EXOC6B: variants seen among roughly 807,000 people sequenced by gnomAD.
EXOC6B encodes the protein SEC15 homolog B.
A neutral mutation model predicts 113.5 loss-of-function variants in EXOC6B; 54 were observed. The ratio of observed to expected loss-of-function variants is 0.48; its 90% confidence interval spans 0.38 to 0.60. EXOC6B has a LOEUF of 0.60. Ranked by LOEUF, EXOC6B falls within the 20% of genes least tolerant of loss-of-function variation. The probability of loss-of-function intolerance (pLI) is 0.00; values close to 1 mark genes in which losing one functional copy is unlikely to be tolerated. For missense variants in EXOC6B, 797 were observed against 977.5 expected, an observed-to-expected ratio of 0.82 and a Z score of 2.46; for synonymous variants, 357 against 339.0, an observed-to-expected ratio of 1.05 and a Z score of -0.58.
chr2:72,440,340 C>A (rs1242102705), intron 18 of EXOC6B, among the ~76,000 whole-genome samples: 1 of 152,204 alleles, frequency 6.6e-6, no homozygotes, highest in East Asian at 1.9e-4. Flanking sequence ...ATCAGACTAA[C>A]AGTGAAACTC....
At chr2:72,401,805 CA>C (rs2105173313) in intron 18 of EXOC6B, among the ~76,000 whole-genome samples, 1 of 146,426 alleles carries the variant, frequency 6.8e-6, no homozygotes. Context: ...ATCAGATACC[CA>C]GAAACATTAT....
chr2:72,802,584 T>G (rs1685348072), intron 1 of EXOC6B, among the ~76,000 whole-genome samples: 1 of 152,152 alleles, frequency 6.6e-6, no homozygotes, highest in South Asian at 2.1e-4. Context: ...CTTTAAGTAA[T>G]TTTTTCTTTA....
chr2:72,180,229 A>G (rs1016319149), intron 21 of EXOC6B, among the ~76,000 whole-genome samples: 1 of 152,206 alleles, frequency 6.6e-6, no homozygotes, highest in African/African-American at 2.4e-5. Flanking sequence ...AGCTTCATAG[A>G]TGGCATATTC....
intron 20 of EXOC6B, among the ~76,000 whole-genome samples, chr2:72,267,529 A>T (rs370450029): frequency 6.6e-5 from 10 of 152,112 alleles, no homozygotes; most frequent in Non-Finnish European, 1.3e-4. Context: ...GGTTTTTGTC[A>T]TTGGTTCTGT....
At chr2:72,567,802 T>C (rs550338659) in intron 7 of EXOC6B, among the ~76,000 whole-genome samples, 8 of 152,140 alleles carry the variant, frequency 5.3e-5, no homozygotes, top group African/African-American at 1.7e-4. Context: ...AAAATGATTA[T>C]CCATGTGCCC....
intron 20 of EXOC6B, among the ~76,000 whole-genome samples, chr2:72,265,198 A>G (rs1683987469): frequency 6.6e-6 from 1 of 151,806 alleles, no homozygotes; most frequent in East Asian, 1.9e-4. Context: ...GAGATGAGGA[A>G]CTTCTTGGGA....
chr2:72,400,289 G>A (rs1693052552), intron 18 of EXOC6B, among the ~76,000 whole-genome samples: 1 of 152,040 alleles, frequency 6.6e-6, no homozygotes, highest in Non-Finnish European at 1.5e-5. Context: ...ACTTAAGATG[G>A]ATTAAAGACC....
At chr2:72,392,071 C>A (rs1477027307) in intron 18 of EXOC6B, among the ~76,000 whole-genome samples, 2 of 151,944 alleles carry the variant, frequency 1.3e-5, no homozygotes, top group East Asian at 1.9e-4. Context: ...TTTTAAAAAT[C>A]TTGATTTATA....
At chr2:72,471,794 T>G (rs1447821013) in intron 17 of EXOC6B, among the ~76,000 whole-genome samples, 1 of 152,170 alleles carries the variant, frequency 6.6e-6, no homozygotes, top group Non-Finnish European at 1.5e-5. Context: ...GGTTCCAGCT[T>G]TTGCCCATTC....
intron 19 of EXOC6B, among the ~76,000 whole-genome samples, chr2:72,363,746 C>T (rs1298287707): frequency 1.3e-5 from 2 of 151,968 alleles, no homozygotes; most frequent in Non-Finnish European, 2.9e-5. Flanking sequence ...TTGTTCAGTA[C>T]TATTATTATT....
intron 18 of EXOC6B, among the ~76,000 whole-genome samples, chr2:72,419,218 A>C (rs1174352856): frequency 6.6e-6 from 1 of 152,228 alleles, no homozygotes; most frequent in African/African-American, 2.4e-5. Flanking sequence ...AATTATGTAG[A>C]AAACAAAATG....
intron 17 of EXOC6B, among the ~76,000 whole-genome samples, chr2:72,470,784 A>ATC (rs1558701577): frequency 3.6e-5 from 5 of 138,988 alleles, no homozygotes; most frequent in Non-Finnish European, 7.5e-5. Flanking sequence ...ATGTCCCTAC[A>ATC]AAGGACATGA....
At chr2:72,602,781 G>A (rs993549475) in intron 6 of EXOC6B, among the ~76,000 whole-genome samples, 2 of 152,136 alleles carry the variant, frequency 1.3e-5, no homozygotes, top group African/African-American at 4.8e-5. Flanking sequence ...AAAACGAGCA[G>A]TCTGTTGAGA....
At chr2:72,246,329 C>T (rs1437728344) in intron 20 of EXOC6B, among the ~76,000 whole-genome samples, 1 of 152,156 alleles carries the variant, frequency 6.6e-6, no homozygotes, top group Admixed American at 6.5e-5. Context: ...ATCCAACTTA[C>T]TGTCATATTA....
chr2:72,699,719 T>C (rs1027760458), intron 6 of EXOC6B, among the ~76,000 whole-genome samples: 1 of 152,106 alleles, frequency 6.6e-6, no homozygotes, highest in Non-Finnish European at 1.5e-5. Flanking sequence ...AAAACAATGT[T>C]ATAGTACTGA....
intron 20 of EXOC6B, among the ~76,000 whole-genome samples, chr2:72,261,247 TAGA>T (rs1459034132): frequency 6.6e-6 from 1 of 152,144 alleles, no homozygotes; most frequent in Admixed American, 6.6e-5. Flanking sequence ...GCGGAACAAG[TAGA>T]AGAACATGGT....
At chr2:72,340,369 C>T (rs2104902878) in intron 19 of EXOC6B, among the ~76,000 whole-genome samples, 1 of 152,094 alleles carries the variant, frequency 6.6e-6, no homozygotes, top group South Asian at 2.1e-4. Context: ...GAAGAGCTTT[C>T]AAAGGAAGAT....
intron 6 of EXOC6B, among the ~76,000 whole-genome samples, chr2:72,655,319 T>G (rs186817264): frequency 3.9e-5 from 6 of 152,114 alleles, no homozygotes; most frequent in Non-Finnish European, 5.9e-5. Context: ...TGTCAAGAAT[T>G]TTTTTAATTC....
At chr2:72,597,699 C>T (rs1490293702) in intron 6 of EXOC6B, among the ~76,000 whole-genome samples, 1 of 151,776 alleles carries the variant, frequency 6.6e-6, no homozygotes, top group Non-Finnish European at 1.5e-5. Context: ...AAGAAACCCA[C>T]TTTAAGTATA....
Sources: allele counts gnomAD v4.1 joint callset (sites outside exome capture counted in the v4.1 genomes callset), GRCh38; gene constraint gnomAD v4.1.1; transcripts MANE v1.5; gene names NCBI Gene and HGNC (gene_info 2026-07-23, HGNC 2026-07-21).